TRMT44: variants seen among roughly 807,000 people sequenced by gnomAD.
TRMT44 encodes probable tRNA (uracil-O(2)-)-methyltransferase.
Under a neutral mutation model 77.3 loss-of-function variants are expected in TRMT44, and 78 were observed. The observed-to-expected ratio is 1.01, with a 90% CI of 0.84 to 1.22. The LOEUF (loss-of-function observed/expected upper bound fraction) is 1.22. Among genes scored for constraint, TRMT44 ranks in the 50% most tolerant of loss-of-function variants. The pLI, the probability that TRMT44 is intolerant of heterozygous loss-of-function variation, is 0.00. For synonymous variants in TRMT44, 391 were observed against 383.3 expected (o/e 1.02, Z -0.23); for missense variants, 1,090 against 964.4 (o/e 1.13, Z -1.73).
the TRMT44 span, among the ~76,000 whole-genome samples, chr4:8,500,348 T>C: frequency 1.3e-5 from 2 of 151,906 alleles, no homozygotes; most frequent in Non-Finnish European, 2.9e-5. Flanking sequence ...AAAAATTAGC[T>C]GGGCTTAGTG....
chr4:8,451,964 G>A lies in TRMT44; in HGVS notation c.959G>A (p.Trp320Ter). ...TTGCTCTTGAAACTGTTTTAGGTGTGGCCTGAAGTCACTGATCCTGAGAAG... is the reference window on the plus strand; with the variant it reads ...TTGCTCTTGAAACTGTTTTAGGTGTAGCCTGAAGTCACTGATCCTGAGAAG... Reference protein sequence around the residue: ...KEKYKEMVKVWPEVTDPEKFV... With the variant: ...KEKYKEMVKV Residue 320 changes from tryptophan (W) to a stop codon, truncating the protein, a stop_gained, in exon 4 of 11, where the codon TGG becomes TAG. Coordinates refer to ENST00000389737, the MANE Select transcript of TRMT44 (RefSeq NM_152544.3). LOFTEE classifies it high-confidence loss of function. This position sits in a 1 kb window ranked among gnomAD's most constrained non-coding sequence, Gnocchi z 4.1. 6.5e-7 allele frequency: 1 copy of A among 1,536,690 alleles called. No homozygotes were observed. The highest frequency in any genetic ancestry group is 8.7e-7 in the Non-Finnish European group (1 of 1,147,008).
intron 10 of TRMT44, among the ~76,000 whole-genome samples, chr4:8,471,900 T>G (rs1162217333): frequency 6.6e-6 from 1 of 152,138 alleles, no homozygotes; most frequent in Non-Finnish European, 1.5e-5. Context: ...TGTACACACT[T>G]CCATCATCTG....
intron 2 of TRMT44, among the ~76,000 whole-genome samples, chr4:8,447,743 G>A (rs987277996): frequency 6.6e-6 from 1 of 152,208 alleles, no homozygotes; most frequent in Non-Finnish European, 1.5e-5. Flanking sequence ...AGTTGTCAGG[G>A]GATCCTGCCC....
downstream of TRMT44, chr4:8,477,434 G>T (rs1395522120): frequency 6.6e-6 from 1 of 152,282 alleles, no homozygotes; most frequent in East Asian, 1.9e-4. Flanking sequence ...CTTTGGGGCA[G>T]GCCCCAGTTT....
intron 9 of TRMT44, among the ~76,000 whole-genome samples, chr4:8,469,339 T>G (rs920159262): frequency 1.3e-5 from 2 of 152,170 alleles, no homozygotes; most frequent in Non-Finnish European, 2.9e-5. Context: ...GGGTTGGCCC[T>G]GCTGACTAAA....
At chr4:8,495,107 C>G (rs1292457433), downstream of TRMT44, among the ~76,000 whole-genome samples, 2 of 152,240 alleles carry the variant, frequency 1.3e-5, no homozygotes, top group African/African-American at 4.8e-5. Flanking sequence ...AGTCCTCAGT[C>G]AGGGGAAGAC....
At position 8,450,641 on chromosome 4, in the gene TRMT44, C is replaced by T. The variant is rs1032312034; in HGVS notation, c.954+753C>T. Among the ~76,000 whole-genome samples the T allele has an allele frequency of 5.9e-5, 9 of 152,184 alleles. No individual in the cohort carries two copies. The South Asian group carries it at 8.3e-4, about 14-fold the overall frequency. On this transcript the variant is annotated intron_variant, in intron 3 of 10. Transcript: ENST00000389737. ...CTGTGTTGCGGGAAGTCAGGGACCC[C>T]GAATTGGGGGCGGGTTCCCCCAATA... is the stretch of plus-strand genomic sequence containing the variant.
intron 7 of TRMT44, among the ~76,000 whole-genome samples, chr4:8,464,918 A>G (rs894429218): frequency 2.6e-5 from 4 of 152,250 alleles, no homozygotes; most frequent in African/African-American, 7.2e-5. Flanking sequence ...TTGCAGCAAC[A>G]TGGGGTGCAG....
At chr4:8,469,617 G>A (rs1420961532) in intron 9 of TRMT44, among the ~76,000 whole-genome samples, 1 of 152,240 alleles carries the variant, frequency 6.6e-6, no homozygotes, top group Admixed American at 6.5e-5. Flanking sequence ...GAGATGGAGA[G>A]CGGGGATGGG....
intron 1 of TRMT44, among the ~76,000 whole-genome samples, chr4:8,442,013 C>G (rs1361759193): frequency 3.9e-5 from 6 of 152,222 alleles, no homozygotes; most frequent in Admixed American, 3.9e-4. Flanking sequence ...GCTCAAACAG[C>G]GTTATCTTTA....
chr4:8,468,106 A>G lies in TRMT44; in HGVS notation c.1687A>G (p.Arg563Gly). 2 of 1,613,918 alleles carry G rather than the reference A, an allele frequency of 1.2e-6. No individual in the cohort carries two copies. Among genetic ancestry groups the G allele is most frequent in the East Asian group, 2.2e-5 (1 of 44,874 alleles). The change falls in exon 9 of 11, where the codon AGG becomes GGG. Residue 563 changes from arginine to glycine, a missense_variant. Transcript: ENST00000389737. The stretch of plus-strand genomic sequence containing the variant: ...TGACGGTCAGCAAGCTCTGGACGCC[A>G]GGGTCGGGTGTGTAACCAGGGCCTG... ...HCDGQQALDA[R>G]VGCVTRAWAA...
intron 5 of TRMT44, 61 bp downstream of exon 5, chr4:8,453,050 C>T (rs935683924): frequency 3.6e-5 from 37 of 1,030,376 alleles, no homozygotes; most frequent in Non-Finnish European, 4.5e-5. Flanking sequence ...AAGTCAGGCA[C>T]AGGGTTCACT....
chr4:8,491,777 C>T (rs561751529), intron 2 of TRMT44, among the ~76,000 whole-genome samples: 64 of 152,236 alleles, frequency 4.2e-4, no homozygotes, highest in East Asian at 1.4e-3. Flanking sequence ...CCCCGGTTCC[C>T]GCTCGCGCCT....
chr4:8,469,317 C>CGTGG (rs1236212498), intron 9 of TRMT44, among the ~76,000 whole-genome samples: 2 of 152,174 alleles, frequency 1.3e-5, no homozygotes, highest in African/African-American at 4.8e-5. Context: ...CACCAGGCAC[C>CGTGG]GTGGGGCCTC....
rs934529402 is a variant in TRMT44, at chr4:8,471,146, C to T, written c.1990C>T (p.Arg664Trp). Residue 664 changes from arginine to tryptophan, a missense_variant, in exon 10 of 11, where the codon CGG (arginine) becomes TGG (tryptophan). Physicochemically the swap from Arg to Trp is moderately radical, Grantham distance 101. Coordinates refer to ENST00000389737, the MANE Select transcript of TRMT44 (RefSeq NM_152544.3). Reference sequence around the variant, plus strand: ...CACGGAGACCCTGCGGAGGCTGAAGCGGGAGTGTGGGGGCCTGCAGACGCT... The same window carrying T: ...CACGGAGACCCTGCGGAGGCTGAAGTGGGAGTGTGGGGGCCTGCAGACGCT... ...LDTETLRRLK[R>W]ECGGLQTLLR... The T allele has an allele frequency of 5.6e-6, 9 of 1,610,706 alleles. 2 individuals are homozygous for T. The highest frequency in any genetic ancestry group is 5.5e-5 in the South Asian group (5 of 90,692).
chr4:8,488,318 G>A (rs1034905760), intron 2 of TRMT44, among the ~76,000 whole-genome samples: 9 of 152,210 alleles, frequency 5.9e-5, no homozygotes, highest in Non-Finnish European at 1.2e-4. Context: ...CAACATGGCT[G>A]TTTATTTCAC....
intron 2 of TRMT44, among the ~76,000 whole-genome samples, chr4:8,492,813 C>A (rs1159381737): frequency 2.0e-5 from 3 of 152,154 alleles, no homozygotes; most frequent in Admixed American, 2.0e-4. Flanking sequence ...ACCTATGACC[C>A]AGAAGTCCCC....
chr4:8,490,071 AC>A (rs1727949449), intron 2 of TRMT44, among the ~76,000 whole-genome samples: 1 of 152,092 alleles, frequency 6.6e-6, no homozygotes, highest in South Asian at 2.1e-4. Context: ...TGTGGCCCCC[AC>A]AGAGGCAATT....
At chr4:8,484,707 A>G (rs1727748524) in intron 2 of TRMT44, among the ~76,000 whole-genome samples, 1 of 152,154 alleles carries the variant, frequency 6.6e-6, no homozygotes, top group East Asian at 1.9e-4. Flanking sequence ...GAGTGGGGAA[A>G]GGATTTAGGA....
Sources: allele counts gnomAD v4.1 joint callset (sites outside exome capture counted in the v4.1 genomes callset), GRCh38; gene constraint gnomAD v4.1.1; non-coding constraint Gnocchi (gnomAD v3.1); transcripts MANE v1.5; gene names NCBI Gene and HGNC (gene_info 2026-07-23, HGNC 2026-07-21).